The following PRR15 variants were observed in gnomAD, a reference collection of about 807,000 sequenced individuals.
PRR15 encodes the protein proline rich 15.
PRR15 carries 4 observed loss-of-function variants against 3.0 expected under a neutral mutation model. The ratio of observed to expected loss-of-function variants is 1.34; its 90% CI spans 0.66 to 3.08. PRR15 has a LOEUF of 3.08. PRR15 is among the 30% of genes most tolerant of loss of function. The pLI, the probability that PRR15 is intolerant of heterozygous loss-of-function variation, is 0.01. For missense variants in PRR15, 200 were observed against 179.5 expected (o/e 1.11, Z -0.65); for synonymous variants, 82 against 79.8 (o/e 1.03, Z -0.14).
chr7:29,564,984 T>G, intron 1 of PRR15, among the ~76,000 whole-genome samples: 1 of 152,146 alleles, frequency 6.6e-6, no homozygotes, highest in Non-Finnish European at 1.5e-5. Flanking sequence ...AGTTTCCCTC[T>G]CCAGCGCGAT....
chr7:29,565,935 A>T (rs558977440), intron 1 of PRR15, among the ~76,000 whole-genome samples: 70 of 152,204 alleles, frequency 4.6e-4, no homozygotes, highest in Non-Finnish European at 9.4e-4. Context: ...CCCTGAAGGA[A>T]AGGCAAAGGT....
chr7:29,564,817 A>G (rs1792850519), intron 1 of PRR15, among the ~76,000 whole-genome samples: 1 of 152,140 alleles, frequency 6.6e-6, no homozygotes, highest in Non-Finnish European at 1.5e-5. Context: ...ATTGTTTTCA[A>G]GTCGCTGCCC....
Position 29,566,278 on chromosome 7 carries a change from G to T in PRR15, c.-52G>T. ...CGGCCGGAGACCACGTGGAGAAAGG[G>T]GCCGCTTTGGCCCTTCCATCTGGGT... On this transcript the variant is annotated 5_prime_UTR_variant, in exon 2 of 2. Coordinates refer to ENST00000319694, the MANE Select transcript of PRR15 (RefSeq NM_175887.3). 6.5e-7 allele frequency: 1 copy of T among 1,528,130 alleles called. No individual in the cohort carries two copies. The highest frequency in any genetic ancestry group is 2.3e-5 in the East Asian group (1 of 42,624). The allele number at this position is 1,528,130 out of a possible 1,614,324, so 94.7% of individuals were successfully genotyped here.
Position 29,566,643 on chromosome 7 carries a change from C to T in PRR15, c.314C>T (p.Ala105Val). 1 of 1,588,610 alleles carries T rather than the reference C, an allele frequency of 6.3e-7. No homozygotes were observed. The highest frequency in any genetic ancestry group is 1.3e-5 in the African/African-American group (1 of 74,288). Residue 105 changes from alanine to valine, a missense_variant, in exon 2 of 2, where the codon GCC becomes GTC. Ala to Val is a moderately conservative substitution (Grantham distance 64). Transcript: ENST00000319694. ...TTTAAGGAGAAGAGGAAAGTGCGCG[C>T]CACGCTGCTCCCGGAGGCGGGCAGG... is the stretch of plus-strand genomic sequence containing the variant. Reference protein sequence around the residue: ...GRFKEKRKVRATLLPEAGRSP... With the variant: ...GRFKEKRKVRVTLLPEAGRSP...
Position 29,566,849 on chromosome 7 carries a change from T to C in PRR15, c.*130T>C. ...CACCAAATTCAGAATATTTACACAATGCCTTCATGATTTTATTTTTCTGGA... is the reference window on the plus strand; with the variant it reads ...CACCAAATTCAGAATATTTACACAACGCCTTCATGATTTTATTTTTCTGGA... On this transcript the variant is annotated 3_prime_UTR_variant, in exon 2 of 2. Coordinates refer to ENST00000319694, the MANE Select transcript of PRR15 (RefSeq NM_175887.3). The C allele has an allele frequency of 1.2e-6, 1 of 862,936 alleles. No individual in the cohort carries two copies. Among genetic ancestry groups the C allele is most frequent in the Non-Finnish European group, 1.7e-6 (1 of 578,548 alleles). 53.5% of individuals were successfully genotyped at this position (862,936 alleles called of 1,614,324 possible). A position where few individuals can be genotyped will look rare whatever the true frequency, so the allele number is the denominator to read the frequency against.
At chr7:29,564,985 C>T (rs974988443) in intron 1 of PRR15, among the ~76,000 whole-genome samples, 3 of 152,222 alleles carry the variant, frequency 2.0e-5, no homozygotes, top group Admixed American at 2.0e-4. Flanking sequence ...GTTTCCCTCT[C>T]CAGCGCGATC....
Position 29,566,622 on chromosome 7 carries a change from A to G in PRR15, c.293A>G (p.Lys98Arg). ...NLKISRSGRF[K>R]EKRKVRATLL... ...AAGATCTCGCGCTCCGGCCGCTTTA[A>G]GGAGAAGAGGAAAGTGCGCGCCACG... The change falls in exon 2 of 2, where the codon AAG becomes AGG. Residue 98 changes from lysine to arginine, a missense_variant. Transcript: ENST00000319694. 1 of 1,600,966 alleles carries G rather than the reference A, an allele frequency of 6.2e-7. No individual in the cohort carries two copies. Among genetic ancestry groups the G allele is most frequent in the Middle Eastern group, 1.7e-4 (1 of 6,042 alleles).
In PRR15 at chr7:29,566,829, A is replaced by G. The variant is rs1323783853; in HGVS notation, c.*110A>G. On this transcript the variant is annotated 3_prime_UTR_variant, in exon 2 of 2. Transcript: ENST00000319694. ...CCTTACGCGTTGTCTCATTCCACCA[A>G]ATTCAGAATATTTACACAATGCCTT... The G allele has an allele frequency of 1.9e-6, 2 of 1,072,662 alleles. No individual in the cohort carries two copies. Among genetic ancestry groups the G allele is most frequent in the Non-Finnish European group, 2.6e-6 (2 of 762,354 alleles). 66.4% of individuals were successfully genotyped at this position (1,072,662 alleles called of 1,614,324 possible). A position where few individuals can be genotyped will look rare whatever the true frequency, so the allele number is the denominator to read the frequency against.
chr7:29,564,934 C>G (rs557190923), intron 1 of PRR15, among the ~76,000 whole-genome samples: 16 of 152,348 alleles, frequency 1.1e-4, no homozygotes, highest in African/African-American at 3.8e-4. Context: ...CTCTCCCTGG[C>G]GGTTCCGGGA....
At chr7:29,565,967 T>C (rs1294259133) in intron 1 of PRR15, among the ~76,000 whole-genome samples, 1 of 152,190 alleles carries the variant, frequency 6.6e-6, no homozygotes, top group Non-Finnish European at 1.5e-5. Context: ...AGTTCAAGGC[T>C]CAGCCTAGAG....
At chr7:29,564,763 G>T (rs1270482836) in intron 1 of PRR15, among the ~76,000 whole-genome samples, 3 of 152,186 alleles carry the variant, frequency 2.0e-5, no homozygotes, top group Non-Finnish European at 4.4e-5. Context: ...CTGAGGGCGT[G>T]GGTGCCTTTT....
intron 1 of PRR15, among the ~76,000 whole-genome samples, chr7:29,564,764 G>A (rs1217570606): frequency 1.3e-5 from 2 of 152,156 alleles, no homozygotes; most frequent in African/African-American, 4.8e-5. Flanking sequence ...TGAGGGCGTG[G>A]GTGCCTTTTG....
At position 29,566,359 on chromosome 7, in the gene PRR15, C is replaced by G. The variant is rs2302618; in HGVS notation, c.30C>G (p.Ser10=). 0.94 allele frequency: 1,506,191 copies of G among 1,608,966 alleles called. 708,221 individuals are homozygous for G. The highest frequency in any genetic ancestry group is 0.96 in the Non-Finnish European group (1,137,832 of 1,179,418). ...CCGACAGCGGCGATGCTGGCAGCTC[C>G]GGCCCCTGGTGGAAATCGCTCACCA... MADSGDAGS[S]GPWWKSLTNS... The change falls in exon 2 of 2, where the codon TCC becomes TCG. Residue 10 remains serine (S), a synonymous_variant. Coordinates refer to ENST00000319694, the MANE Select transcript of PRR15 (RefSeq NM_175887.3).
rs755013306 is a variant in PRR15, at chr7:29,566,360, G to C, written c.31G>C (p.Gly11Arg). 10 of 1,609,520 alleles carry C rather than the reference G, an allele frequency of 6.2e-6. No individual in the cohort carries two copies. Among genetic ancestry groups the C allele is most frequent in the Non-Finnish European group, 8.5e-6 (10 of 1,179,476 alleles). ...CGACAGCGGCGATGCTGGCAGCTCC[G>C]GCCCCTGGTGGAAATCGCTCACCAA... MADSGDAGSS[G>R]PWWKSLTNSR... The change falls in exon 2 of 2, where the codon GGC (glycine) becomes CGC (arginine). Residue 11 changes from glycine (G) to arginine (R), a missense_variant. Transcript: ENST00000319694.
At position 29,566,720 on chromosome 7, in the gene PRR15, C is replaced by G. The variant is rs1192528446; in HGVS notation, c.*1C>G. 1 of 1,549,714 alleles carries G rather than the reference C, an allele frequency of 6.5e-7. No individual in the cohort carries two copies. Among genetic ancestry groups the G allele is most frequent in the Non-Finnish European group, 8.7e-7 (1 of 1,146,578 alleles). The stretch of plus-strand genomic sequence containing the variant: ...TGACCCCCACGAGGACAAGCAGTAG[C>G]CCCAATAGCCTGCGCGCTCCAGGAC... On this transcript the variant is annotated 3_prime_UTR_variant, in exon 2 of 2. Transcript: ENST00000319694.
Position 29,566,528 on chromosome 7 carries a change from G to C in PRR15, c.199G>C (p.Gly67Arg). 1 of 1,606,102 alleles carries C rather than the reference G, an allele frequency of 6.2e-7. No individual in the cohort carries two copies. The highest frequency in any genetic ancestry group is 8.5e-7 in the Non-Finnish European group (1 of 1,176,696). The change falls in exon 2 of 2, where the codon GGC becomes CGC. Residue 67 changes from glycine (G) to arginine (R), a missense_variant. By Grantham distance (125) the Gly-to-Arg change is moderately radical. Transcript: ENST00000319694. ...RENQHPNLLG[G>R]AGEPPKPDKL... ...GAACCAGCACCCCAATCTCCTCGGG[G>C]GCGCCGGCGAGCCCCCCAAACCAGA...
In PRR15 at chr7:29,567,270, A is replaced by C. The variant is rs558116758; in HGVS notation, c.*551A>C. 1.1e-4 allele frequency: 19 copies of C among 167,332 alleles called. No homozygotes were observed. The highest frequency in any genetic ancestry group is 4.1e-4 in the African/African-American group (17 of 41,584). The allele number at this position is 167,332 out of a possible 1,614,324, so 10.4% of individuals were successfully genotyped here. A position where few individuals can be genotyped will look rare whatever the true frequency, so the allele number is the denominator to read the frequency against. ...AACTGTACAGCCTATTTTAGTGTGG[A>C]CTATTAAAACCCTTGCACTGTAAGG... On this transcript the variant is annotated 3_prime_UTR_variant, in exon 2 of 2. Coordinates refer to ENST00000319694, the MANE Select transcript of PRR15 (RefSeq NM_175887.3).
rs1792926472 is a variant in PRR15 at position 29,566,978 on chromosome 7, ATTAT to A, written c.*262_*265del. The stretch of plus-strand genomic sequence containing the variant: ...ACCTGCCGCGGAGGAGGGTGGCATA[ATTAT>A]TTTTTTTTCAAAAAGCTATTCTGGG... On this transcript the variant is annotated 3_prime_UTR_variant, in exon 2 of 2. Transcript: ENST00000319694. 1 of 303,438 alleles carries A rather than the reference ATTAT, an allele frequency of 3.3e-6. No individual in the cohort carries two copies. Among genetic ancestry groups the A allele is most frequent in the Middle Eastern group, 7.4e-4 (1 of 1,350 alleles). 18.8% of individuals were successfully genotyped at this position (303,438 alleles called of 1,614,324 possible). A position where few individuals can be genotyped will look rare whatever the true frequency, so the allele number is the denominator to read the frequency against.
chr7:29,566,947 G>A lies in PRR15; in HGVS notation c.*228G>A, dbSNP rs920107055. 8.5e-6 allele frequency: 4 copies of A among 468,834 alleles called. No homozygotes were observed. The highest frequency in any genetic ancestry group is 1.5e-5 in the Non-Finnish European group (4 of 267,290). 29.0% of individuals were successfully genotyped at this position (468,834 alleles called of 1,614,324 possible). A position where few individuals can be genotyped will look rare whatever the true frequency, so the allele number is the denominator to read the frequency against. On this transcript the variant is annotated 3_prime_UTR_variant, in exon 2 of 2. Transcript: ENST00000319694. ...CATTAAATATTTATTTGTGGTAAGA[G>A]AAGATACCTGCCGCGGAGGAGGGTG...
Sources: gnomAD v4.1 joint callset for allele counts (sites outside exome capture counted in the v4.1 genomes callset) on GRCh38, gnomAD v4.1.1 for gene constraint, MANE v1.5 for transcripts, NCBI Gene and HGNC (gene_info 2026-07-23, HGNC 2026-07-21) for gene names.